The following RAP1GAP2 variants were observed in gnomAD, a reference collection of about 807,000 sequenced individuals.
RAP1GAP2 encodes rap1 GTPase-activating protein 2.
In RAP1GAP2, 27 loss-of-function variants were observed where a neutral mutation model predicts 95.0. That is an observed-to-expected ratio of 0.28 (90% CI 0.21 to 0.39). RAP1GAP2 has a LOEUF of 0.39. Among genes scored for constraint, RAP1GAP2 ranks in the 10% least tolerant of loss-of-function variants. RAP1GAP2 has a pLI of 1.00. For missense variants in RAP1GAP2, 771 were observed against 970.0 expected, an observed-to-expected ratio of 0.79 and a Z score of 2.72; for synonymous variants, 373 against 380.9, an observed-to-expected ratio of 0.98 and a Z score of 0.24.
intron 10 of RAP1GAP2, 123 bp downstream of exon 10, chr17:2,981,371 C>G (rs1342173450): frequency 6.9e-6 from 6 of 866,368 alleles, no homozygotes; most frequent in African/African-American, 1.7e-5. Flanking sequence ...TAATAAGCTT[C>G]CATGTCTCCC....
chr17:2,829,159 T>G (rs1366772287), intron 2 of RAP1GAP2, among the ~76,000 whole-genome samples: 1 of 152,012 alleles, frequency 6.6e-6, no homozygotes, highest in Non-Finnish European at 1.5e-5. Context: ...ATTTTTTGTA[T>G]TTTTAGTAGA....
At chr17:2,898,066 A>G (rs2041898663) in intron 2 of RAP1GAP2, among the ~76,000 whole-genome samples, 1 of 151,888 alleles carries the variant, frequency 6.6e-6, no homozygotes, top group African/African-American at 2.4e-5. Flanking sequence ...GACTACAGGC[A>G]TGCACCTGGC....
intron 2 of RAP1GAP2, among the ~76,000 whole-genome samples, chr17:2,897,775 G>A (rs775717665): frequency 2.0e-5 from 3 of 152,062 alleles, no homozygotes; most frequent in Admixed American, 6.6e-5. Flanking sequence ...CGGTTCCCTC[G>A]GCTCTCCAGC....
At chr17:2,969,423 A>T (rs534390627) in intron 8 of RAP1GAP2, among the ~76,000 whole-genome samples, 8 of 136,274 alleles carry the variant, frequency 5.9e-5, no homozygotes, top group Non-Finnish European at 8.1e-5. Context: ...CTCCAACCCA[A>T]CCATTTGAAA....
At chr17:2,844,410 G>A (rs138247078) in intron 2 of RAP1GAP2, among the ~76,000 whole-genome samples, 43 of 152,260 alleles carry the variant, frequency 2.8e-4, no homozygotes, top group African/African-American at 9.4e-4. Flanking sequence ...AGAGGGAGTT[G>A]CTTACACGAA....
chr17:2,853,732 G>T (rs1002765094), intron 2 of RAP1GAP2, among the ~76,000 whole-genome samples: 3 of 144,942 alleles, frequency 2.1e-5, no homozygotes, highest in African/African-American at 5.0e-5. Context: ...CCCGGGCCGC[G>T]CCCCGAGCGA....
chr17:3,023,940 A>T (rs569202085), intron 19 of RAP1GAP2, among the ~76,000 whole-genome samples: 3 of 152,176 alleles, frequency 2.0e-5, no homozygotes, highest in African/African-American at 7.2e-5. Flanking sequence ...TTTGCTGAGG[A>T]TGATGGTTTT....
chr17:2,998,894 G>A (rs914498993), intron 14 of RAP1GAP2, among the ~76,000 whole-genome samples: 1 of 152,194 alleles, frequency 6.6e-6, no homozygotes, highest in African/African-American at 2.4e-5. Context: ...TGGAAAGGAC[G>A]AGCAGGAAAG....
chr17:2,862,001 T>A (rs150788316), intron 2 of RAP1GAP2, among the ~76,000 whole-genome samples: 4 of 152,186 alleles, frequency 2.6e-5, no homozygotes, highest in Non-Finnish European at 5.9e-5. Flanking sequence ...TTGTCTGAGA[T>A]TGGGGACTGT....
At chr17:2,842,236 A>C (rs978616434) in intron 2 of RAP1GAP2, among the ~76,000 whole-genome samples, 1 of 152,212 alleles carries the variant, frequency 6.6e-6, no homozygotes, top group Middle Eastern at 3.4e-3. Context: ...ATTTTTCTAA[A>C]AAGTCTTTTA....
At chr17:2,980,784 A>G (rs1432322982) in intron 9 of RAP1GAP2, among the ~76,000 whole-genome samples, 1 of 152,038 alleles carries the variant, frequency 6.6e-6, no homozygotes, top group East Asian at 1.9e-4. Context: ...CAGATTGAGC[A>G]CCCCCTTGAG....
intron 2 of RAP1GAP2, among the ~76,000 whole-genome samples, chr17:2,860,950 G>A (rs988216383): frequency 9.2e-5 from 14 of 151,914 alleles, no homozygotes; most frequent in African/African-American, 3.1e-4. Context: ...CCATAGTCCG[G>A]CCCACACCCC....
rs960717929 is a variant in RAP1GAP2 at position 2,787,963 on chromosome 17, C to A, written c.-14+10685C>A. Among the ~76,000 whole-genome samples, 14 of 152,158 alleles carry A rather than the reference C, an allele frequency of 9.2e-5. 1 individual carries two copies. The highest frequency in any genetic ancestry group is 3.1e-4 in the African/African-American group (13 of 41,430). Reference sequence around the variant, plus strand: ...TATTTTCAGTGGCTAGATAGTATTCCATTGTACGCTTATTCTGCAATGTAG... The same window carrying A: ...TATTTTCAGTGGCTAGATAGTATTCAATTGTACGCTTATTCTGCAATGTAG... On this transcript the variant is annotated intron_variant, in intron 1 of 24. Transcript: ENST00000540393.
intron 2 of RAP1GAP2, among the ~76,000 whole-genome samples, chr17:2,875,042 C>T (rs1042430278): frequency 5.3e-5 from 8 of 152,114 alleles, no homozygotes; most frequent in East Asian, 1.9e-4. Context: ...CGGCGCCCTT[C>T]GACATTTGTT....
At chr17:2,758,300 C>T (rs545508980) in intron 1 of RAP1GAP2, among the ~76,000 whole-genome samples, 15 of 148,146 alleles carry the variant, frequency 1.0e-4, no homozygotes, top group East Asian at 4.1e-4. Context: ...CTCAGCCTCC[C>T]GAGTACCTGG....
chr17:2,768,044 C>T (rs1203486076), intron 1 of RAP1GAP2, among the ~76,000 whole-genome samples: 5 of 152,058 alleles, frequency 3.3e-5, no homozygotes, highest in Non-Finnish European at 7.4e-5. Flanking sequence ...TTTATTATAG[C>T]TTTTTATTTC....
intron 2 of RAP1GAP2, among the ~76,000 whole-genome samples, chr17:2,894,122 A>AG (rs544031768): frequency 0.014 from 1,461 of 102,410 alleles, 23 homozygotes; most frequent in African/African-American, 0.041. Flanking sequence ...CTAAAAATAC[A>AG]GAAAAAAAAA....
chr17:2,792,739 C>G (rs1160800020), upstream of RAP1GAP2, among the ~76,000 whole-genome samples: 1 of 152,222 alleles, frequency 6.6e-6, no homozygotes, highest in Non-Finnish European at 1.5e-5. Context: ...TTGTGGCTGT[C>G]AGGGGCACAC....
intron 2 of RAP1GAP2, among the ~76,000 whole-genome samples, chr17:2,884,491 G>C (rs912803221): frequency 2.7e-5 from 4 of 150,536 alleles, no homozygotes; most frequent in Non-Finnish European, 4.4e-5. Context: ...TCCTGCCTCA[G>C]CCTCCCAAGT....
Sources: allele counts gnomAD v4.1 joint callset (sites outside exome capture counted in the v4.1 genomes callset), GRCh38; gene constraint gnomAD v4.1.1; transcripts MANE v1.5; gene names NCBI Gene and HGNC (gene_info 2026-07-23, HGNC 2026-07-21).